Variants in TRIM37 observed in about 807,000 individuals in gnomAD.
TRIM37 encodes the protein E3 ubiquitin-protein ligase TRIM37.
TRIM37 carries 80 observed loss-of-function variants against 129.8 expected under a neutral mutation model. The observed-to-expected ratio is 0.62, with a 90% CI of 0.51 to 0.74. The LOEUF is 0.74. Among genes scored for constraint, TRIM37 ranks in the 30% least tolerant of loss-of-function variants. TRIM37 has a pLI of 0.00. For missense variants in TRIM37, 1,054 were observed against 1,176.5 expected (o/e 0.90, Z 1.52); for synonymous variants, 389 against 387.1 (o/e 1.00, Z -0.06).
rs148337446 is a variant in TRIM37 at position 59,101,111 on chromosome 17, A to G, written c.123+3182T>C. 9.2e-4 allele frequency among the ~76,000 whole-genome samples: 140 copies of G among 152,320 alleles called. 3 individuals carry two copies. The highest frequency in any genetic ancestry group is 3.2e-3 in the African/African-American group (132 of 41,584). On this transcript the variant is annotated intron_variant, in intron 2 of 23. Transcript: ENST00000262294. The stretch of plus-strand genomic sequence containing the variant: ...CTGCATGTCAGTTATACCTAATAAA[A>G]AATGACTGGCTTGAAAACAAGTAGG...
At chr17:58,977,799 G>A (rs1309197112), downstream of TRIM37, among the ~76,000 whole-genome samples, 1 of 152,182 alleles carries the variant, frequency 6.6e-6, no homozygotes, top group African/African-American at 2.4e-5. Flanking sequence ...CTGGAGTGCA[G>A]TGGCGCAATC....
At position 59,046,883 on chromosome 17, in the gene TRIM37, G is replaced by A. The variant is rs1340030546; in HGVS notation, c.1667+800C>T. On this transcript the variant is annotated intron_variant, in intron 16 of 23. Coordinates refer to ENST00000262294, the MANE Select transcript of TRIM37 (RefSeq NM_015294.6). ...AAAGTAACCCAGATTGGCCAGGTGCGGTGGCTCACGCCTGTAATCCCAACA... is the reference window on the plus strand; with the variant it reads ...AAAGTAACCCAGATTGGCCAGGTGCAGTGGCTCACGCCTGTAATCCCAACA... Among the ~76,000 whole-genome samples the A allele has an allele frequency of 7.3e-5, 11 of 150,292 alleles. No individual in the cohort carries two copies. The East Asian group carries it at 1.2e-3, about 16-fold the overall frequency.
At position 59,106,621 on chromosome 17, in the gene TRIM37, G is replaced by A. The variant is rs2046028207; in HGVS notation, c.-160C>T. On this transcript the variant is annotated 5_prime_UTR_variant, in exon 1 of 24. Coordinates refer to ENST00000262294, the MANE Select transcript of TRIM37 (RefSeq NM_015294.6). ...CCCACCTGCGCGCCCCATCTCTTCA[G>A]GTCCAGCGCCGCCTACCCCCATTTC... is the stretch of plus-strand genomic sequence containing the variant. The A allele has an allele frequency of 1.2e-6, 1 of 818,088 alleles. No individual in the cohort carries two copies. The highest frequency in any genetic ancestry group is 2.0e-6 in the Non-Finnish European group (1 of 503,752). The allele number at this position is 818,088 out of a possible 1,614,324, so 50.7% of individuals were successfully genotyped here. A position where few individuals can be genotyped will look rare whatever the true frequency, so the allele number is the denominator to read the frequency against.
At chr17:59,103,970 GT>G (rs2045768693) in intron 2 of TRIM37, among the ~76,000 whole-genome samples, 1 of 152,096 alleles carries the variant, frequency 6.6e-6, no homozygotes, top group Admixed American at 6.6e-5. Flanking sequence ...TCTTGTAATT[GT>G]AAGATTAAAC....
intron 3 of TRIM37, among the ~76,000 whole-genome samples, chr17:59,090,941 A>AT (rs999528771): frequency 4.6e-5 from 7 of 151,952 alleles, no homozygotes; most frequent in Non-Finnish European, 7.4e-5. Flanking sequence ...AGCTATCTGG[A>AT]TTTTTTTAAC....
intron 19 of TRIM37, among the ~76,000 whole-genome samples, chr17:59,018,261 A>G (rs1247369087): frequency 2.0e-5 from 3 of 152,206 alleles, no homozygotes; most frequent in African/African-American, 7.2e-5. Context: ...CTATTGCCAG[A>G]AGGCAGGGCC....
chr17:59,029,987 TATTCATCAGG>T (rs66540071), intron 18 of TRIM37, among the ~76,000 whole-genome samples: 36,573 of 151,988 alleles, frequency 0.24, 4,669 homozygotes, highest in African/African-American at 0.33. Context: ...TAAAAACAGA[TATTCATCAGG>T]ATTATGTTCC....
At chr17:58,970,853 G>A in the TRIM37 span, among the ~76,000 whole-genome samples, 49 of 152,092 alleles carry the variant, frequency 3.2e-4, no homozygotes, top group African/African-American at 1.2e-3. Flanking sequence ...TCGAGGACAA[G>A]GGCCGGCCCC....
chr17:59,017,831 G>C (rs774429221), intron 19 of TRIM37, among the ~76,000 whole-genome samples: 1 of 152,114 alleles, frequency 6.6e-6, no homozygotes, highest in Non-Finnish European at 1.5e-5. Context: ...TGTCATGTTG[G>C]CCAGGCTGGG....
At chr17:59,061,224 A>T in intron 11 of TRIM37, 116 bp from the exon 12 acceptor site, 1 of 787,204 alleles carries the variant, frequency 1.3e-6, no homozygotes, top group Admixed American at 2.3e-5. Context: ...GCAATGGAAG[A>T]AATAATTAAA....
At chr17:59,096,976 C>T (rs545041272) in intron 2 of TRIM37, among the ~76,000 whole-genome samples, 1 of 152,260 alleles carries the variant, frequency 6.6e-6, no homozygotes, top group South Asian at 2.1e-4. Flanking sequence ...GATTCAACTA[C>T]AAAAATCATT....
intron 22 of TRIM37, among the ~76,000 whole-genome samples, chr17:59,006,925 T>C (rs1460580394): frequency 6.6e-6 from 1 of 151,724 alleles, no homozygotes; most frequent in African/African-American, 2.4e-5. Context: ...ATAACTGGAC[T>C]TGGCCACTTT....
the TRIM37 span, among the ~76,000 whole-genome samples, chr17:58,974,359 T>C: frequency 6.6e-6 from 1 of 152,214 alleles, no homozygotes; most frequent in Admixed American, 6.5e-5. Context: ...TACAGTCACC[T>C]GTCAGATAAC....
chr17:59,008,614 G>A (rs1435205312), intron 22 of TRIM37, among the ~76,000 whole-genome samples: 1 of 152,100 alleles, frequency 6.6e-6, no homozygotes, highest in Non-Finnish European at 1.5e-5. Flanking sequence ...AGTCCAAATC[G>A]GGCGGCCGGG....
At chr17:59,078,894 G>T (rs898007980) in intron 7 of TRIM37, among the ~76,000 whole-genome samples, 1 of 151,718 alleles carries the variant, frequency 6.6e-6, no homozygotes, top group Non-Finnish European at 1.5e-5. Flanking sequence ...AAATAGTATA[G>T]GATTATAATA....
intron 11 of TRIM37, 61 bp from the exon 12 acceptor site, chr17:59,061,169 G>C: frequency 8.2e-7 from 1 of 1,225,990 alleles, no homozygotes; most frequent in South Asian, 1.2e-5. Context: ...ACAAAATGCA[G>C]ATAATATCTG....
intron 19 of TRIM37, among the ~76,000 whole-genome samples, chr17:59,019,586 T>C (rs1328032623): frequency 1.3e-5 from 2 of 152,096 alleles, no homozygotes; most frequent in Non-Finnish European, 2.9e-5. Flanking sequence ...CGCACACCTG[T>C]AGTCCCAGCT....
chr17:59,091,207 G>A (rs1236946995), intron 3 of TRIM37, 93 bp downstream of exon 3: 4 of 809,240 alleles, frequency 4.9e-6, no homozygotes, highest in East Asian at 7.0e-5. Context: ...AGAGAAATGG[G>A]CAGACTGCAG....
intron 21 of TRIM37, among the ~76,000 whole-genome samples, chr17:59,013,922 G>GCAGA (rs2035599268): frequency 6.6e-6 from 1 of 151,898 alleles, no homozygotes; most frequent in Non-Finnish European, 1.5e-5. Context: ...AACCAGGCTG[G>GCAGA]CAGATAAAAT....
Sources: allele counts gnomAD v4.1 joint callset (sites outside exome capture counted in the v4.1 genomes callset), GRCh38; gene constraint gnomAD v4.1.1; transcripts MANE v1.5; gene names NCBI Gene and HGNC (gene_info 2026-07-23, HGNC 2026-07-21).